The following ANKS1B variants were observed in gnomAD, a reference collection of about 807,000 sequenced individuals.
ANKS1B encodes ankyrin repeat and sterile alpha motif domain containing 1B.
In ANKS1B, 36 loss-of-function variants were observed where a neutral mutation model predicts 148.3. The observed-to-expected ratio is 0.24, with a 90% CI of 0.19 to 0.32. The LOEUF (loss-of-function observed/expected upper bound fraction) is 0.32. ANKS1B is among the 10% of genes least tolerant of loss of function. The probability of loss-of-function intolerance (pLI) is 1.00; values close to 1 mark genes in which losing one functional copy is unlikely to be tolerated. For synonymous variants in ANKS1B, 542 were observed against 560.8 expected (o/e 0.97, Z 0.47); for missense variants, 1,157 against 1,542.6 (o/e 0.75, Z 4.19).
intron 8 of ANKS1B, among the ~76,000 whole-genome samples, chr12:99,739,361 A>C (rs1481888594): frequency 1.4e-4 from 18 of 128,076 alleles, no homozygotes; most frequent in African/African-American, 5.3e-4. Context: ...CGGGGCCAAA[A>C]AAAAAGTACT....
intron 9 of ANKS1B, among the ~76,000 whole-genome samples, chr12:99,581,897 CAAAAAAAA>C (rs369048602): frequency 3.3e-5 from 2 of 60,766 alleles, no homozygotes; most frequent in African/African-American, 1.2e-4. Context: ...GACTCCGTCT[CAAAAAAAA>C]AAAAAAAAAA....
At chr12:99,034,627 C>T (rs1430444420) in intron 17 of ANKS1B, among the ~76,000 whole-genome samples, 1 of 152,076 alleles carries the variant, frequency 6.6e-6, no homozygotes, top group Admixed American at 6.6e-5. Context: ...GCAATTTAAT[C>T]CGAGGAGTCA....
intron 8 of ANKS1B, among the ~76,000 whole-genome samples, chr12:99,725,466 T>C (rs552478743): frequency 6.6e-6 from 1 of 152,372 alleles, no homozygotes; most frequent in South Asian, 2.1e-4. Context: ...ATCCTAAATA[T>C]GTATGCACCC....
chr12:99,895,629 A>C (rs774895260), intron 1 of ANKS1B, among the ~76,000 whole-genome samples: 1 of 150,574 alleles, frequency 6.6e-6, no homozygotes, highest in African/African-American at 2.4e-5. Flanking sequence ...ACTGAAGAAC[A>C]TGACTTTCTG....
intron 8 of ANKS1B, among the ~76,000 whole-genome samples, chr12:99,755,537 C>A (rs10778016): frequency 0.44 from 65,121 of 147,344 alleles, 14,645 homozygotes; most frequent in South Asian, 0.62. Flanking sequence ...GCAAAGATAC[C>A]ACAAAAAAAG....
intron 15 of ANKS1B, among the ~76,000 whole-genome samples, chr12:99,122,995 A>ATAT (rs57571566): frequency 1.6e-4 from 23 of 141,520 alleles, no homozygotes; most frequent in East Asian, 6.2e-4. Context: ...AATTAAAAAA[A>ATAT]AAATATATAT....
chr12:98,795,047 A>C, intron 22 of ANKS1B: 1 of 660,702 alleles, frequency 1.5e-6, no homozygotes, highest in South Asian at 1.7e-5. Flanking sequence ...TTATTAGCTT[A>C]TTTTTTACAT....
intron 8 of ANKS1B, among the ~76,000 whole-genome samples, chr12:99,741,842 T>C (rs1237037869): frequency 6.6e-6 from 1 of 151,864 alleles, no homozygotes; most frequent in African/African-American, 2.4e-5. Flanking sequence ...GGTATACCCA[T>C]GTAACAAACC....
At chr12:98,955,127 A>G (rs1294538750) in intron 17 of ANKS1B, among the ~76,000 whole-genome samples, 1 of 152,202 alleles carries the variant, frequency 6.6e-6, no homozygotes, top group Non-Finnish European at 1.5e-5. Flanking sequence ...GAGCAAAAAG[A>G]TAAACAAAAT....
chr12:99,560,695 C>T (rs920792182), intron 9 of ANKS1B, among the ~76,000 whole-genome samples: 2 of 152,148 alleles, frequency 1.3e-5, no homozygotes, highest in African/African-American at 4.8e-5. Flanking sequence ...CATTCTATTG[C>T]TAACATGCTA....
At chr12:98,874,050 T>TAA (rs1567399882) in intron 17 of ANKS1B, among the ~76,000 whole-genome samples, 3 of 152,206 alleles carry the variant, frequency 2.0e-5, no homozygotes, top group Non-Finnish European at 4.4e-5. Context: ...ATTATCTGTC[T>TAA]GCCTCTTTTC....
At chr12:99,126,941 G>C (rs1566268960) in intron 15 of ANKS1B, among the ~76,000 whole-genome samples, 1 of 151,970 alleles carries the variant, frequency 6.6e-6, no homozygotes, top group African/African-American at 2.4e-5. Flanking sequence ...GGAAAAAATG[G>C]AATATTCAGC....
intron 9 of ANKS1B, among the ~76,000 whole-genome samples, chr12:99,634,090 G>A (rs1367254234): frequency 6.6e-6 from 1 of 152,064 alleles, no homozygotes; most frequent in Non-Finnish European, 1.5e-5. Flanking sequence ...AATATACTAT[G>A]GTTTGAATAT....
In ANKS1B at chr12:99,314,653, A is replaced by G. The variant is rs532366953; in HGVS notation, c.1757-67789T>C. Among the ~76,000 whole-genome samples, 3 of 152,332 alleles carry G rather than the reference A, an allele frequency of 2.0e-5. No individual in the cohort carries two copies. In the South Asian group the frequency reaches 6.2e-4, roughly 32 times the overall value. On this transcript the variant is annotated intron_variant, in intron 12 of 26. Transcript: ENST00000683438. ...TCTGATCTTTGACAAGCCTGACAAAAAAAAGCAATAGGGAAATGATTTCCT... is the reference window on the plus strand; with the variant it reads ...TCTGATCTTTGACAAGCCTGACAAAGAAAAGCAATAGGGAAATGATTTCCT...
At chr12:99,572,272 AAAC>A (rs1248920737) in intron 9 of ANKS1B, among the ~76,000 whole-genome samples, 2 of 152,160 alleles carry the variant, frequency 1.3e-5, no homozygotes, top group African/African-American at 2.4e-5. Flanking sequence ...AATTGAAATA[AAAC>A]AATAAAAAAT....
chr12:98,943,793 T>C (rs2099840765), intron 17 of ANKS1B, among the ~76,000 whole-genome samples: 1 of 152,234 alleles, frequency 6.6e-6, no homozygotes, highest in South Asian at 2.1e-4. Context: ...TCACAAATTC[T>C]GGGGAGTGGG....
chr12:98,800,120 C>G (rs1479775981), intron 21 of ANKS1B, among the ~76,000 whole-genome samples: 2 of 151,022 alleles, frequency 1.3e-5, no homozygotes, highest in South Asian at 2.1e-4. Context: ...GAGGGAGGAG[C>G]CATTTCAATC....
chr12:99,493,751 A>G (rs2096576720), intron 10 of ANKS1B, among the ~76,000 whole-genome samples: 1 of 152,180 alleles, frequency 6.6e-6, no homozygotes, highest in Non-Finnish European at 1.5e-5. Context: ...GTTTAGTTCT[A>G]GATATGCTAA....
At chr12:98,973,929 T>C (rs2099886760) in intron 17 of ANKS1B, among the ~76,000 whole-genome samples, 1 of 151,916 alleles carries the variant, frequency 6.6e-6, no homozygotes, top group Non-Finnish European at 1.5e-5. Flanking sequence ...GATACATCGG[T>C]ATATATATGA....
Sources: allele counts gnomAD v4.1 joint callset (sites outside exome capture counted in the v4.1 genomes callset), GRCh38; gene constraint gnomAD v4.1.1; transcripts MANE v1.5; gene names NCBI Gene and HGNC (gene_info 2026-07-23, HGNC 2026-07-21).